HHAT: variants seen among roughly 807,000 people sequenced by gnomAD.
HHAT encodes the protein hedgehog acyltransferase.
A neutral mutation model predicts 70.8 loss-of-function variants in HHAT; 47 were observed. The ratio of observed to expected loss-of-function variants is 0.66; its 90% CI spans 0.53 to 0.85. HHAT has a LOEUF of 0.85. HHAT is among the 40% of genes least tolerant of loss of function. The pLI is 0.00. For missense variants in HHAT, 609 were observed against 604.8 expected (o/e 1.01, Z -0.07); for synonymous variants, 228 against 247.6 (o/e 0.92, Z 0.74).
At chr1:210,379,020 T>C (rs570904137) in intron 3 of HHAT, among the ~76,000 whole-genome samples, 2 of 152,300 alleles carry the variant, frequency 1.3e-5, no homozygotes, top group Admixed American at 6.5e-5. Context: ...TTAAAGACAT[T>C]TGAGAATAAT....
At chr1:210,447,133 A>C (rs1458658775) in intron 7 of HHAT, among the ~76,000 whole-genome samples, 3 of 152,176 alleles carry the variant, frequency 2.0e-5, no homozygotes, top group Admixed American at 2.0e-4. Context: ...ATATCCACTA[A>C]TTCTGTGACG....
chr1:210,595,317 AGTATTCCATG>A (rs1553290268), intron 10 of HHAT, among the ~76,000 whole-genome samples: 1 of 152,172 alleles, frequency 6.6e-6, no homozygotes, highest in Non-Finnish European at 1.5e-5. Flanking sequence ...ATGGCTGCAT[AGTATTCCATG>A]GTGTATATGT....
chr1:210,577,422 T>C (rs1023669465), intron 9 of HHAT, among the ~76,000 whole-genome samples: 13 of 152,268 alleles, frequency 8.5e-5, no homozygotes, highest in African/African-American at 3.1e-4. Flanking sequence ...TTTTTCTCCA[T>C]GTGTTAAGAT....
intron 7 of HHAT, among the ~76,000 whole-genome samples, chr1:210,422,803 A>T (rs2092945893): frequency 6.6e-6 from 1 of 151,976 alleles, no homozygotes; most frequent in African/African-American, 2.4e-5. Flanking sequence ...CACCTGGTTA[A>T]TTTTTATATT....
chr1:210,369,197 A>T (rs1433301102), intron 3 of HHAT, among the ~76,000 whole-genome samples: 2 of 152,216 alleles, frequency 1.3e-5, no homozygotes, highest in Non-Finnish European at 2.9e-5. Context: ...AGCTCTCAAA[A>T]TCCTAATGCA....
At chr1:210,557,145 T>G (rs998047495) in intron 9 of HHAT, among the ~76,000 whole-genome samples, 2 of 152,194 alleles carry the variant, frequency 1.3e-5, no homozygotes, top group African/African-American at 4.8e-5. Context: ...GGAGACAGAA[T>G]GTGGCTGGGA....
chr1:210,351,954 C>G (rs1291711901), intron 2 of HHAT, among the ~76,000 whole-genome samples: 1 of 152,156 alleles, frequency 6.6e-6, no homozygotes, highest in South Asian at 2.1e-4. Flanking sequence ...TCTGATGGAG[C>G]CACCTCTGGA....
chr1:210,591,911 C>T (rs1261598923), intron 10 of HHAT, among the ~76,000 whole-genome samples: 3 of 152,004 alleles, frequency 2.0e-5, no homozygotes, highest in Non-Finnish European at 4.4e-5. Flanking sequence ...TGTTTGAGCT[C>T]CTTATATATC....
chr1:210,521,885 A>T (rs1221272977), intron 9 of HHAT, among the ~76,000 whole-genome samples: 1 of 152,196 alleles, frequency 6.6e-6, no homozygotes, highest in Non-Finnish European at 1.5e-5. Flanking sequence ...CCAGATGGTA[A>T]TGGGAAGTTA....
intron 10 of HHAT, among the ~76,000 whole-genome samples, chr1:210,598,154 C>G (rs1663427540): frequency 6.6e-6 from 1 of 151,946 alleles, no homozygotes; most frequent in Non-Finnish European, 1.5e-5. Context: ...GGCCTCAAAA[C>G]TCTGCCTGGC....
At chr1:210,423,626 T>C (rs2092969849) in intron 7 of HHAT, among the ~76,000 whole-genome samples, 2 of 152,204 alleles carry the variant, frequency 1.3e-5, no homozygotes, top group South Asian at 4.1e-4. Flanking sequence ...ATAAAACCTT[T>C]CCCTGACCAA....
chr1:210,614,812 T>C (rs1465617212), intron 10 of HHAT, among the ~76,000 whole-genome samples: 2 of 152,252 alleles, frequency 1.3e-5, no homozygotes, highest in African/African-American at 4.8e-5. Flanking sequence ...AGCCTATCAT[T>C]GTTGGACATT....
chr1:210,560,031 C>T (rs1235493452), intron 9 of HHAT, among the ~76,000 whole-genome samples: 8 of 152,108 alleles, frequency 5.3e-5, no homozygotes, highest in Admixed American at 2.6e-4. Flanking sequence ...GTGTCTTTCT[C>T]CTGAGTTGGC....
intron 9 of HHAT, among the ~76,000 whole-genome samples, chr1:210,548,303 T>C (rs1380484946): frequency 1.3e-5 from 2 of 152,192 alleles, no homozygotes; most frequent in African/African-American, 4.8e-5. Flanking sequence ...GGCCCAGTGC[T>C]TTAAGGGTGC....
chr1:210,602,297 G>A (rs72751405), intron 10 of HHAT, among the ~76,000 whole-genome samples: 3,483 of 152,228 alleles, frequency 0.023, 76 homozygotes, highest in South Asian at 0.043. Flanking sequence ...AAAGCATTAC[G>A]TGCGAGTGGC....
intron 1 of HHAT, among the ~76,000 whole-genome samples, chr1:210,339,218 A>C (rs1300065216): frequency 6.6e-6 from 1 of 152,020 alleles, no homozygotes; most frequent in Admixed American, 6.5e-5. Context: ...TTGGGAACAT[A>C]TTTTTTTTCC....
chr1:210,478,077 G>A (rs990028731), intron 8 of HHAT, among the ~76,000 whole-genome samples: 2 of 152,150 alleles, frequency 1.3e-5, no homozygotes, highest in Non-Finnish European at 2.9e-5. Flanking sequence ...AAGATCTTAG[G>A]TTCCCCAGGA....
intron 8 of HHAT, among the ~76,000 whole-genome samples, chr1:210,491,064 AGTGTGTGT>A (rs1553242999): frequency 2.8e-5 from 1 of 36,182 alleles, no homozygotes; most frequent in Non-Finnish European, 8.9e-5. Flanking sequence ...ACACACACAT[AGTGTGTGT>A]GTGTGTGTGT....
At chr1:210,349,339 G>A (rs1378942918) in intron 2 of HHAT, among the ~76,000 whole-genome samples, 2 of 152,078 alleles carry the variant, frequency 1.3e-5, no homozygotes, top group Admixed American at 6.5e-5. Flanking sequence ...GGGGATTTGC[G>A]TTCAGAATTC....
Sources: allele counts gnomAD v4.1 joint callset (sites outside exome capture counted in the v4.1 genomes callset), GRCh38; gene constraint gnomAD v4.1.1; transcripts MANE v1.5; gene names NCBI Gene and HGNC (gene_info 2026-07-23, HGNC 2026-07-21).